ERCC8: variants seen among roughly 807,000 people sequenced by gnomAD.
The protein encoded by ERCC8 is DNA excision repair protein ERCC-8.
Under a neutral mutation model 54.9 loss-of-function variants are expected in ERCC8, and 52 were observed. That is an observed-to-expected ratio of 0.95 (90% CI 0.76 to 1.19). The LOEUF is 1.19. Ranked by LOEUF, ERCC8 falls within the 50% of genes most tolerant of loss-of-function variation. The pLI, the probability that ERCC8 is intolerant of heterozygous loss-of-function variation, is 0.00. For missense variants in ERCC8, 514 were observed against 466.1 expected, an observed-to-expected ratio of 1.10 and a Z score of -0.95; for synonymous variants, 146 against 157.2, an observed-to-expected ratio of 0.93 and a Z score of 0.53.
intron 1 of ERCC8, among the ~76,000 whole-genome samples, chr5:60,933,281 C>A (rs898528123): frequency 1.6e-5 from 2 of 126,726 alleles, no homozygotes; most frequent in African/African-American, 6.0e-5. Context: ...TGCTGTGGTG[C>A]AATCTCGGCT....
chr5:60,942,269 T>A (rs768383125), intron 1 of ERCC8, among the ~76,000 whole-genome samples: 11 of 152,182 alleles, frequency 7.2e-5, no homozygotes, highest in Admixed American at 1.3e-4. Context: ...TCTTAAAAAG[T>A]AAAGGATTTA....
At chr5:60,884,317 A>C (rs1748329933) in intron 11 of ERCC8, among the ~76,000 whole-genome samples, 1 of 151,806 alleles carries the variant, frequency 6.6e-6, no homozygotes, top group African/African-American at 2.4e-5. Flanking sequence ...TCTACTAAAA[A>C]TACAAAAAAT....
Position 60,898,486 on chromosome 5 carries a change from G to A in ERCC8, c.719-86C>T, listed in dbSNP as rs533572558. ...GATGATATAATTAAACATATTAAAG[G>A]ACAACTACTTGAGTTACTTAAAAAA... On this transcript the variant is annotated intron_variant, in intron 8 of 11. Transcript: ENST00000676185. 2.8e-5 allele frequency: 41 copies of A among 1,481,790 alleles called. No individual in the cohort carries two copies. In the East Asian group the frequency reaches 9.0e-4, roughly 32 times the overall value. 91.8% of individuals were successfully genotyped at this position (1,481,790 alleles called of 1,614,324 possible).
At chr5:60,943,302 CTTTA>C (rs948547685) in intron 1 of ERCC8, among the ~76,000 whole-genome samples, 7 of 152,064 alleles carry the variant, frequency 4.6e-5, no homozygotes, top group Non-Finnish European at 7.4e-5. Flanking sequence ...TTTTTAAATA[CTTTA>C]TTTGTCTTAA....
chr5:60,914,244 G>A (rs1749359043), intron 4 of ERCC8, among the ~76,000 whole-genome samples: 1 of 151,974 alleles, frequency 6.6e-6, no homozygotes, highest in Admixed American at 6.6e-5. Flanking sequence ...TTGTAGGTCT[G>A]TATGGACTTG....
chr5:60,878,508 T>A (rs979399767), intron 11 of ERCC8, among the ~76,000 whole-genome samples: 1 of 152,218 alleles, frequency 6.6e-6, no homozygotes, highest in Non-Finnish European at 1.5e-5. Flanking sequence ...TCCTGGACTT[T>A]TTTTGGTTGG....
intron 11 of ERCC8, among the ~76,000 whole-genome samples, chr5:60,881,637 G>T (rs1292818190): frequency 6.6e-6 from 1 of 152,200 alleles, no homozygotes; most frequent in African/African-American, 2.4e-5. Flanking sequence ...GCGAGGCTCT[G>T]TGGGCGTCGG....
chr5:60,937,961 C>T (rs1337596865), intron 1 of ERCC8, among the ~76,000 whole-genome samples: 2 of 149,330 alleles, frequency 1.3e-5, no homozygotes, highest in African/African-American at 2.5e-5. Context: ...GTTTTAGTGT[C>T]TTAAGATGGC....
chr5:60,924,084 T>C (rs557726042), intron 2 of ERCC8, among the ~76,000 whole-genome samples: 24 of 152,290 alleles, frequency 1.6e-4, no homozygotes, highest in Non-Finnish European at 3.5e-4. Context: ...CCCTCTCTTG[T>C]AATTTATTTG....
At chr5:60,907,190 A>T (rs980010666) in intron 4 of ERCC8, 1 of 152,170 alleles carries the variant, frequency 6.6e-6, no homozygotes, top group African/African-American at 2.4e-5. Flanking sequence ...TTCTCCACAA[A>T]TATACCAACT....
At chr5:60,895,045 C>G (rs1748684116) in intron 9 of ERCC8, among the ~76,000 whole-genome samples, 1 of 151,820 alleles carries the variant, frequency 6.6e-6, no homozygotes, top group African/African-American at 2.4e-5. Flanking sequence ...GTGGCGGGTA[C>G]CTGTAATCCC....
At chr5:60,889,182 A>G (rs1020352954) in intron 10 of ERCC8, among the ~76,000 whole-genome samples, 2 of 152,256 alleles carry the variant, frequency 1.3e-5, no homozygotes, top group Non-Finnish European at 1.5e-5. Flanking sequence ...TATTCGATGA[A>G]GGTGATATGT....
At chr5:60,929,231 A>G (rs757247559) in intron 1 of ERCC8, among the ~76,000 whole-genome samples, 2 of 152,228 alleles carry the variant, frequency 1.3e-5, no homozygotes, top group Non-Finnish European at 2.9e-5. Context: ...GAGGACATCT[A>G]ATGGACAAAA....
At chr5:60,930,756 A>C (rs1416922367) in intron 1 of ERCC8, among the ~76,000 whole-genome samples, 2 of 152,080 alleles carry the variant, frequency 1.3e-5, no homozygotes, top group African/African-American at 4.8e-5. Flanking sequence ...TTAGGTTTAA[A>C]TATCCAGACA....
chr5:60,913,211 C>T (rs886243682), intron 4 of ERCC8, among the ~76,000 whole-genome samples: 1 of 152,074 alleles, frequency 6.6e-6, no homozygotes, highest in African/African-American at 2.4e-5. Flanking sequence ...GGTTGTGAAT[C>T]CGTCTGGTCC....
At chr5:60,893,877 C>T (rs971772334) in intron 9 of ERCC8, among the ~76,000 whole-genome samples, 11 of 152,094 alleles carry the variant, frequency 7.2e-5, no homozygotes, top group African/African-American at 2.2e-4. Flanking sequence ...TGTTGTGCAA[C>T]TCTCATCACT....
chr5:60,933,843 G>C (rs1749984318), intron 1 of ERCC8, among the ~76,000 whole-genome samples: 1 of 152,002 alleles, frequency 6.6e-6, no homozygotes, highest in South Asian at 2.1e-4. Context: ...TTCCATTCCT[G>C]AGTTTCTTCA....
chr5:60,936,598 G>C (rs1299910082), intron 1 of ERCC8, among the ~76,000 whole-genome samples: 1 of 151,990 alleles, frequency 6.6e-6, no homozygotes. Context: ...CCAGTTCCTT[G>C]AGGTATGCCC....
rs1748780232 is a variant in ERCC8 at position 60,898,414 on chromosome 5, CAT to C, written c.719-16_719-15del. 10 of 1,612,908 alleles carry C rather than the reference CAT, an allele frequency of 6.2e-6. No individual in the cohort carries two copies. The highest frequency in any genetic ancestry group is 8.5e-6 in the Non-Finnish European group (10 of 1,179,308). On this transcript the variant is annotated splice_polypyrimidine_tract_variant and intron_variant, in intron 8 of 11. Coordinates refer to ENST00000676185, the MANE Select transcript of ERCC8 (RefSeq NM_000082.4). ...GAGCAGTGTTTGCTGCAATGAAAAACATAGTTCAGTTTATCTGTTCTTGTATT... is the reference window on the plus strand; with the variant it reads ...GAGCAGTGTTTGCTGCAATGAAAAACAGTTCAGTTTATCTGTTCTTGTATT...
Sources: allele counts gnomAD v4.1 joint callset (sites outside exome capture counted in the v4.1 genomes callset), GRCh38; gene constraint gnomAD v4.1.1; transcripts MANE v1.5; gene names NCBI Gene and HGNC (gene_info 2026-07-23, HGNC 2026-07-21).